EGF: variants seen among roughly 807,000 people sequenced by gnomAD.
The protein encoded by EGF is pro-epidermal growth factor.
EGF carries 95 observed loss-of-function variants against 143.8 expected under a neutral mutation model. That is an observed-to-expected ratio of 0.66 (90% CI 0.56 to 0.78). The LOEUF (loss-of-function observed/expected upper bound fraction) is 0.78, where lower values mean the gene tolerates loss of function less well. Ranked by LOEUF, EGF falls within the 30% of genes least tolerant of loss-of-function variation. The pLI is 0.00. For missense variants in EGF, 1,320 were observed against 1,470.9 expected, an observed-to-expected ratio of 0.90 and a Z score of 1.68; for synonymous variants, 510 against 510.5, an observed-to-expected ratio of 1.00 and a Z score of 0.01.
intron 18 of EGF, among the ~76,000 whole-genome samples, chr4:109,989,304 C>T (rs769918966): frequency 5.9e-5 from 9 of 152,188 alleles, no homozygotes; most frequent in Admixed American, 6.5e-5. Flanking sequence ...GAGTTCGCGT[C>T]GTGGATGTCT....
At chr4:109,969,607 A>AT (rs530357715) in intron 11 of EGF, among the ~76,000 whole-genome samples, 5 of 150,236 alleles carry the variant, frequency 3.3e-5, no homozygotes, top group African/African-American at 9.8e-5. Flanking sequence ...TATAATAATA[A>AT]AAAAAAAAGT....
In EGF at chr4:109,986,286, A is replaced by T. The variant is rs1560739225; in HGVS notation, c.2492-1458A>T. 2.0e-5 allele frequency among the ~76,000 whole-genome samples: 3 copies of T among 152,324 alleles called. No homozygotes were observed. In the Middle Eastern group the frequency reaches 0.01, roughly 518 times the overall value. ...AAGATAATTCTGCAAGTGATTTAAA[A>T]CATCTTGGGTAATCGGATACTGTCC... is the stretch of plus-strand genomic sequence containing the variant. On this transcript the variant is annotated intron_variant, in intron 16 of 23. Transcript: ENST00000265171.
chr4:110,002,119 T>C (rs932405803), intron 21 of EGF: 5 of 845,708 alleles, frequency 5.9e-6, no homozygotes, highest in Non-Finnish European at 7.1e-6. Context: ...TAAAATCAGT[T>C]ATTTCCTCCC....
chr4:110,000,147 A>T (rs1752375899), intron 21 of EGF, among the ~76,000 whole-genome samples: 1 of 149,274 alleles, frequency 6.7e-6, no homozygotes, highest in South Asian at 2.2e-4. Flanking sequence ...GCTACTCGGG[A>T]GGCTGAGGCA....
At chr4:109,970,749 T>C (rs945472698) in intron 11 of EGF, among the ~76,000 whole-genome samples, 33 of 138,996 alleles carry the variant, frequency 2.4e-4, no homozygotes, top group Admixed American at 5.6e-4. Context: ...GGCGTGAACC[T>C]GGAAGGCGGA....
intron 17 of EGF, 121 bp from the exon 18 acceptor site, chr4:109,988,463 C>T: frequency 6.9e-7 from 1 of 1,458,828 alleles, no homozygotes; most frequent in Non-Finnish European, 9.5e-7. Flanking sequence ...CTGATGTTGG[C>T]AACAGCACCT....
chr4:109,933,189 A>G (rs1321489317), intron 1 of EGF, among the ~76,000 whole-genome samples: 1 of 152,240 alleles, frequency 6.6e-6, no homozygotes, highest in African/African-American at 2.4e-5. Context: ...ACTGGAAACC[A>G]GGCCTCTGGC....
In EGF at chr4:110,008,205, T is replaced by C; in HGVS notation, c.3345T>C (p.Ala1115=). 6.2e-7 allele frequency: 1 copy of C among 1,614,098 alleles called. No homozygotes were observed. The change falls in exon 23 of 24, where the codon GCT becomes GCC. Residue 1115 remains alanine, a synonymous_variant. Transcript: ENST00000265171. ...QDLKNGGQPV[A]GEDGQAADGS... ...TCAAGAATGGGGGTCAACCAGTGGC[T>C]GGTGAGGATGGCCAGGCAGCAGATG...
intron 1 of EGF, among the ~76,000 whole-genome samples, chr4:109,924,793 GAGCTGAAAGCAACGTA>G: frequency 6.6e-6 from 1 of 152,230 alleles, no homozygotes; most frequent in Non-Finnish European, 1.5e-5. Context: ...GGCTACGTAA[GAGCTGAAAGCAACGTA>G]AATCTCCATA....
intron 15 of EGF, 95 bp from the exon 16 acceptor site, chr4:109,983,327 T>C: frequency 7.0e-7 from 1 of 1,432,526 alleles, no homozygotes; most frequent in Non-Finnish European, 9.6e-7. Flanking sequence ...GAGTCTGAAC[T>C]CACAACCAAT....
intron 20 of EGF, among the ~76,000 whole-genome samples, chr4:109,997,900 C>A (rs970728032): frequency 6.6e-6 from 1 of 152,188 alleles, no homozygotes; most frequent in African/African-American, 2.4e-5. Flanking sequence ...CCTTGTTTAT[C>A]TGTATTGAGT....
chr4:109,995,553 C>A (rs1189673230), intron 20 of EGF, among the ~76,000 whole-genome samples: 1 of 152,206 alleles, frequency 6.6e-6, no homozygotes, highest in Non-Finnish European at 1.5e-5. Context: ...CTCCGAAAAC[C>A]TTTCCTGTGG....
chr4:109,964,929 G>A (rs1415415238), intron 10 of EGF, among the ~76,000 whole-genome samples: 2 of 152,102 alleles, frequency 1.3e-5, no homozygotes, highest in Admixed American at 1.3e-4. Flanking sequence ...GGCATAGGAA[G>A]TATGGATTAG....
At position 110,004,211 on chromosome 4, in the gene EGF, T is replaced by TAC. The variant is rs201017416; in HGVS notation, c.3174-292_3174-291dup. The stretch of plus-strand genomic sequence containing the variant: ...CTATTCCCCCCAACATACATGGGCA[T>TAC]ACATACACACACACACACACACACA... On this transcript the variant is annotated intron_variant, in intron 21 of 23. Transcript: ENST00000265171. 7.0e-3 allele frequency: 2,712 copies of TAC among 387,028 alleles called. 61 individuals are homozygous for TAC. Among genetic ancestry groups the TAC allele is most frequent in the African/African-American group, 0.048 (1,935 of 40,482 alleles). 24.0% of individuals were successfully genotyped at this position (387,028 alleles called of 1,614,324 possible). A position where few individuals can be genotyped will look rare whatever the true frequency, so the allele number is the denominator to read the frequency against.
intron 1 of EGF, among the ~76,000 whole-genome samples, chr4:109,935,913 T>A (rs934409860): frequency 2.6e-5 from 4 of 152,212 alleles, no homozygotes; most frequent in African/African-American, 7.2e-5. Flanking sequence ...TCGTGGTGGA[T>A]AAGCTTTTTG....
At chr4:109,991,100 A>G (rs917904636) in intron 18 of EGF, among the ~76,000 whole-genome samples, 1 of 152,206 alleles carries the variant, frequency 6.6e-6, no homozygotes, top group Non-Finnish European at 1.5e-5. Context: ...AGGGTCAGAC[A>G]GTCAGTGTTG....
At chr4:109,998,354 T>C (rs1268432564) in intron 20 of EGF, among the ~76,000 whole-genome samples, 1 of 152,202 alleles carries the variant, frequency 6.6e-6, no homozygotes, top group African/African-American at 2.4e-5. Flanking sequence ...TTCCAGAAGA[T>C]AGCTTTTCAG....
chr4:109,963,116 G>T, intron 8 of EGF, 57 bp from the exon 9 acceptor site: 1 of 1,559,422 alleles, frequency 6.4e-7, no homozygotes, highest in Non-Finnish European at 8.8e-7. Flanking sequence ...ATCCTTTGAT[G>T]AAAAATAATT....
intron 4 of EGF, among the ~76,000 whole-genome samples, chr4:109,944,448 A>C (rs1360080880): frequency 6.6e-6 from 1 of 152,248 alleles, no homozygotes; most frequent in African/African-American, 2.4e-5. Context: ...CAAGAAAAAG[A>C]CTTGAGTTCA....
Sources: gnomAD v4.1 joint callset for allele counts (sites outside exome capture counted in the v4.1 genomes callset) on GRCh38, gnomAD v4.1.1 for gene constraint, MANE v1.5 for transcripts, NCBI Gene and HGNC (gene_info 2026-07-23, HGNC 2026-07-21) for gene names.